CNKSR2: variants seen among roughly 807,000 people sequenced by gnomAD.
The protein encoded by CNKSR2 is connector enhancer of kinase suppressor of Ras 2, also known as CNK homolog protein 2.
CNKSR2 carries 14 observed loss-of-function variants against 84.4 expected under a neutral mutation model. The ratio of observed to expected loss-of-function variants is 0.17; its 90% CI spans 0.11 to 0.26. The LOEUF (loss-of-function observed/expected upper bound fraction) is 0.26. CNKSR2 is among the 10% of genes least tolerant of loss of function. The probability of loss-of-function intolerance (pLI) is 1.00; values close to 1 mark genes in which losing one functional copy is unlikely to be tolerated. For synonymous variants in CNKSR2, 275 were observed against 277.9 expected (o/e 0.99, Z 0.10); for missense variants, 485 against 771.2 (o/e 0.63, Z 4.40).
At chrX:21,480,019 A>G (rs1477991467) in intron 5 of CNKSR2, among the ~76,000 whole-genome samples, 1 of 111,161 alleles carries the variant, frequency 9.0e-6, no homozygotes, top group African/African-American at 3.3e-5. Context: ...AGAAAAAAAT[A>G]AAAGAATGCC....
intron 10 of CNKSR2, among the ~76,000 whole-genome samples, chrX:21,528,252 T>C (rs2091853870): frequency 9.0e-6 from 1 of 111,265 alleles, no homozygotes; most frequent in African/African-American, 3.2e-5. Context: ...TTTCCACATA[T>C]GCTTGCATGA....
intron 20 of CNKSR2, among the ~76,000 whole-genome samples, chrX:21,612,871 T>C (rs1429898916): frequency 8.9e-6 from 1 of 112,204 alleles, no homozygotes; most frequent in African/African-American, 3.2e-5. Flanking sequence ...AACTACCTTT[T>C]GCCTTATTTT....
intron 2 of CNKSR2, chrX:21,429,127 A>G (rs1202703842): frequency 8.9e-6 from 1 of 112,154 alleles, no homozygotes; most frequent in Non-Finnish European, 1.9e-5. Context: ...ATGCTTTTGC[A>G]TGCATATGAT....
At chrX:21,621,147 C>T (rs753549471) in intron 20 of CNKSR2, among the ~76,000 whole-genome samples, 1 of 111,187 alleles carries the variant, frequency 9.0e-6, no homozygotes, top group South Asian at 3.8e-4. Context: ...GATAACTCAT[C>T]ATCCTGGCTA....
At chrX:21,522,192 T>A (rs145186422) in intron 9 of CNKSR2, among the ~76,000 whole-genome samples, 1 of 110,955 alleles carries the variant, frequency 9.0e-6, no homozygotes, top group Non-Finnish European at 1.9e-5. Context: ...TAAGGACTTA[T>A]GTGAATGTTC....
chrX:21,421,160 A>G (rs2090490199), intron 1 of CNKSR2, among the ~76,000 whole-genome samples: 1 of 110,483 alleles, frequency 9.1e-6, no homozygotes, highest in South Asian at 3.9e-4. Context: ...TTTCTGCTCT[A>G]TCAGGACAGC....
chrX:21,476,461 A>G (rs1278683389), intron 5 of CNKSR2, among the ~76,000 whole-genome samples: 3 of 111,803 alleles, frequency 2.7e-5, no homozygotes, highest in African/African-American at 9.7e-5. Flanking sequence ...ATTTTATAGT[A>G]CATATATTGA....
At chrX:21,457,111 G>A (rs2091004685) in intron 4 of CNKSR2, among the ~76,000 whole-genome samples, 1 of 110,749 alleles carries the variant, frequency 9.0e-6, no homozygotes, top group African/African-American at 3.3e-5. Flanking sequence ...TACATATTTT[G>A]GATATTAACC....
chrX:21,579,169 G>A (rs1408341663), intron 13 of CNKSR2, among the ~76,000 whole-genome samples: 2 of 112,215 alleles, frequency 1.8e-5, no homozygotes, highest in Admixed American at 1.9e-4. Context: ...TGCTTTACTT[G>A]TATTCTCCAA....
intron 8 of CNKSR2, among the ~76,000 whole-genome samples, chrX:21,511,686 G>A (rs1172606100): frequency 9.0e-6 from 1 of 111,223 alleles, no homozygotes; most frequent in Non-Finnish European, 1.9e-5. Flanking sequence ...TGAAGGAAAC[G>A]TATATTCATT....
At chrX:21,395,348 T>C (rs183948540) in intron 1 of CNKSR2, among the ~76,000 whole-genome samples, 41 of 111,701 alleles carry the variant, frequency 3.7e-4, no homozygotes, top group African/African-American at 1.3e-3. Flanking sequence ...TTCAGAAATA[T>C]TCACCATGAT....
Position 21,374,627 on chromosome X carries a change from A to C in CNKSR2, c.-271A>C, listed in dbSNP as rs184231584. On this transcript the variant is annotated 5_prime_UTR_variant, in exon 1 of 22. Coordinates refer to ENST00000379510, the MANE Select transcript of CNKSR2 (RefSeq NM_014927.5). ...CAGCAGCAGCAGCAGCAGCAGCAGC[A>C]GCAGCCGCCGCCGCCGCCGCCTTAG... 6.1e-3 allele frequency: 2,996 copies of C among 491,248 alleles called. 37 individuals carry two copies. Among genetic ancestry groups the C allele is most frequent in the African/African-American group, 0.046 (1,869 of 40,983 alleles). 40.5% of individuals were successfully genotyped at this position (491,248 alleles called of 1,213,427 possible).
In CNKSR2 at chrX:21,439,416, C is replaced by G. The variant is rs151338051; in HGVS notation, c.432-1278C>G. Among the ~76,000 whole-genome samples the G allele has an allele frequency of 9.6e-3, 1,062 of 110,249 alleles. 12 individuals are homozygous for G. The highest frequency in any genetic ancestry group is 0.031 in the African/African-American group (960 of 30,538). ...TATATATATCAGAAATATATATATT[C>G]AAAATATATCAGAAATATATATAGT... On this transcript the variant is annotated intron_variant, in intron 3 of 21. Coordinates refer to ENST00000379510, the MANE Select transcript of CNKSR2 (RefSeq NM_014927.5).
intron 13 of CNKSR2, among the ~76,000 whole-genome samples, chrX:21,568,676 CATT>C (rs776560274): frequency 4.5e-5 from 5 of 110,695 alleles, no homozygotes; most frequent in East Asian, 2.8e-4. Flanking sequence ...AGTAAATAAA[CATT>C]ATGAAAATGC....
chrX:21,614,912 G>A (rs1008014767), intron 20 of CNKSR2, among the ~76,000 whole-genome samples: 1 of 111,450 alleles, frequency 9.0e-6, no homozygotes, highest in Non-Finnish European at 1.9e-5. Context: ...CAAAGACCAG[G>A]CCCTATCTTT....
At chrX:21,514,410 A>G (rs1014786948) in intron 8 of CNKSR2, among the ~76,000 whole-genome samples, 7 of 112,011 alleles carry the variant, frequency 6.2e-5, no homozygotes, top group Non-Finnish European at 1.3e-4. Flanking sequence ...GCCATTAAAT[A>G]ACATCAGCTG....
rs12845402 is a variant in CNKSR2, at chrX:21,648,963, G to A, written c.2825G>A (p.Arg942Lys). 1 of 1,202,379 alleles carries A rather than the reference G, an allele frequency of 8.3e-7. No individual in the cohort carries two copies. The change falls in exon 21 of 22, where the codon AGA becomes AAA. Residue 942 changes from arginine (R) to lysine (K), a missense_variant. Arg to Lys is a conservative substitution (Grantham distance 26). This residue lies in a region of CNKSR2 where 210 missense variants were observed against 291.5 expected (regional missense o/e 0.72). Transcript: ENST00000379510. ...GAATACAAGCTATCATTTATAAAAA[G>A]ATGTAATGATCCTGTAATGAATGAA... The part of the protein sequence containing the change: ...KMEYKLSFIK[R>K]CNDPVMNEKL...
At chrX:21,525,625 C>T (rs185408679) in intron 9 of CNKSR2, among the ~76,000 whole-genome samples, 58 of 110,542 alleles carry the variant, frequency 5.2e-4, no homozygotes, top group African/African-American at 1.9e-3. Context: ...TGTAGCCTAC[C>T]CCAGTGACTT....
chrX:21,469,484 A>C (rs1248194533), intron 4 of CNKSR2, among the ~76,000 whole-genome samples: 1 of 111,856 alleles, frequency 8.9e-6, no homozygotes, highest in Non-Finnish European at 1.9e-5. Flanking sequence ...TTAAAATTAA[A>C]TTCAGGAAAA....
Sources: gnomAD v4.1 joint callset for allele counts (sites outside exome capture counted in the v4.1 genomes callset) on GRCh38, gnomAD v4.1.1 for gene constraint, gnomAD v4.1.1 regional missense constraint, MANE v1.5 for transcripts, NCBI Gene and HGNC (gene_info 2026-07-23, HGNC 2026-07-21) for gene names.